LINGO2: variants seen among roughly 807,000 people sequenced by gnomAD.
The protein encoded by LINGO2 is leucine-rich repeat and immunoglobulin-like domain-containing nogo receptor-interacting protein 2.
In LINGO2, 14 loss-of-function variants were observed where a neutral mutation model predicts 30.6. That is an observed-to-expected ratio of 0.46 (90% CI 0.30 to 0.72). The LOEUF (loss-of-function observed/expected upper bound fraction) is 0.72, where lower values mean the gene tolerates loss of function less well. Ranked by LOEUF, LINGO2 falls within the 30% of genes least tolerant of loss-of-function variation. The pLI is 0.07. For synonymous variants in LINGO2, 317 were observed against 288.5 expected (o/e 1.10, Z -1.00); for missense variants, 729 against 751.7 (o/e 0.97, Z 0.35).
the LINGO2 span, among the ~76,000 whole-genome samples, chr9:29,100,897 C>A: frequency 0.44 from 66,049 of 151,704 alleles, 14,624 homozygotes; most frequent in East Asian, 0.54. Context: ...AAAATTAAGA[C>A]AGAAGAAACT....
At chr9:28,450,757 A>C (rs1824617400) in intron 2 of LINGO2, among the ~76,000 whole-genome samples, 1 of 152,066 alleles carries the variant, frequency 6.6e-6, no homozygotes, top group African/African-American at 2.4e-5. Flanking sequence ...TAAAAACATA[A>C]TCTTTACATT....
chr9:28,157,168 C>T (rs1380883756), intron 4 of LINGO2, among the ~76,000 whole-genome samples: 1 of 152,212 alleles, frequency 6.6e-6, no homozygotes, highest in African/African-American at 2.4e-5. Context: ...CCCGCTCCTG[C>T]AGCAAACTTC....
chr9:28,066,728 T>C (rs1013353156), intron 4 of LINGO2, among the ~76,000 whole-genome samples: 19 of 152,054 alleles, frequency 1.2e-4, no homozygotes, highest in African/African-American at 4.6e-4. Flanking sequence ...TTAGAAAGGG[T>C]CTTTAAGAAA....
intron 2 of LINGO2, among the ~76,000 whole-genome samples, chr9:28,387,971 C>T (rs1821662717): frequency 1.3e-5 from 2 of 152,132 alleles, no homozygotes; most frequent in South Asian, 2.1e-4. Context: ...TCAGCAAGAC[C>T]AAGAACCCAC....
intron 3 of LINGO2, among the ~76,000 whole-genome samples, chr9:28,371,709 C>T (rs1487792550): frequency 2.0e-5 from 3 of 152,084 alleles, no homozygotes; most frequent in African/African-American, 7.2e-5. Context: ...ATCTCAGAGG[C>T]CAGATTAGGA....
chr9:29,110,571 A>T, the LINGO2 span, among the ~76,000 whole-genome samples: 809 of 152,084 alleles, frequency 5.3e-3, 9 homozygotes, highest in African/African-American at 0.018. Context: ...TGACCTCGTG[A>T]TCCGCCCGCC....
the LINGO2 span, among the ~76,000 whole-genome samples, chr9:29,179,974 T>A: frequency 6.6e-6 from 1 of 152,154 alleles, no homozygotes; most frequent in Admixed American, 6.5e-5. Context: ...AGCAACTCAG[T>A]TAAATAGCCT....
At chr9:29,143,102 T>G in the LINGO2 span, among the ~76,000 whole-genome samples, 1 of 152,092 alleles carries the variant, frequency 6.6e-6, no homozygotes, top group African/African-American at 2.4e-5. Context: ...TGTAAAGACT[T>G]GTACACTGAA....
At chr9:28,959,215 G>C in the LINGO2 span, among the ~76,000 whole-genome samples, 2 of 151,112 alleles carry the variant, frequency 1.3e-5, no homozygotes, top group Non-Finnish European at 3.0e-5. Flanking sequence ...ACTGAGGGTA[G>C]AGATGAAAGA....
At chr9:28,803,952 T>C in the LINGO2 span, among the ~76,000 whole-genome samples, 1 of 152,110 alleles carries the variant, frequency 6.6e-6, no homozygotes, top group Non-Finnish European at 1.5e-5. Context: ...TAAAGGTAAG[T>C]GTGAATCCAT....
the LINGO2 span, among the ~76,000 whole-genome samples, chr9:28,699,502 T>C: frequency 1.3e-5 from 2 of 152,044 alleles, no homozygotes; most frequent in Non-Finnish European, 2.9e-5. Context: ...TACAAATTGA[T>C]TGTAAAACAA....
At chr9:28,854,204 C>T in the LINGO2 span, among the ~76,000 whole-genome samples, 4 of 151,752 alleles carry the variant, frequency 2.6e-5, no homozygotes, top group African/African-American at 7.3e-5. Flanking sequence ...AATGCCATGG[C>T]GGAGAAACTG....
chr9:28,120,313 T>G (rs1435832666), intron 4 of LINGO2, among the ~76,000 whole-genome samples: 1 of 152,198 alleles, frequency 6.6e-6, no homozygotes, highest in Non-Finnish European at 1.5e-5. Flanking sequence ...GGGACGGTCT[T>G]TCTTTTATTC....
intron 2 of LINGO2, among the ~76,000 whole-genome samples, chr9:28,395,284 G>GA (rs143327989): frequency 6.6e-6 from 1 of 151,716 alleles, no homozygotes; most frequent in Non-Finnish European, 1.5e-5. Flanking sequence ...AACTCAAGTC[G>GA]AAAAAAAATG....
At chr9:29,202,443 T>C in the LINGO2 span, among the ~76,000 whole-genome samples, 1 of 152,000 alleles carries the variant, frequency 6.6e-6, no homozygotes, top group Non-Finnish European at 1.5e-5. Flanking sequence ...TTCCAACATC[T>C]AAAAATTGAG....
the LINGO2 span, among the ~76,000 whole-genome samples, chr9:28,944,568 G>T: frequency 6.6e-6 from 1 of 152,004 alleles, no homozygotes; most frequent in Non-Finnish European, 1.5e-5. Context: ...ACCACGCCTG[G>T]CTAATTTTTG....
At chr9:28,348,197 C>T (rs10738794) in intron 3 of LINGO2, among the ~76,000 whole-genome samples, 6 of 151,986 alleles carry the variant, frequency 3.9e-5, no homozygotes, top group East Asian at 1.9e-4. Flanking sequence ...GCGTGAGCGA[C>T]GCAGAAGACG....
intron 1 of LINGO2, among the ~76,000 whole-genome samples, chr9:28,536,628 G>A (rs767770924): frequency 6.6e-6 from 1 of 152,102 alleles, no homozygotes; most frequent in Non-Finnish European, 1.5e-5. Context: ...AATATTTTCA[G>A]TGTATTCTAA....
At chr9:28,273,814 T>C (rs1261501156) in intron 4 of LINGO2, among the ~76,000 whole-genome samples, 1 of 152,154 alleles carries the variant, frequency 6.6e-6, no homozygotes, top group Non-Finnish European at 1.5e-5. Flanking sequence ...AGAGTAAATC[T>C]GAAGAAAACC....
Sources: gnomAD v4.1 joint callset for allele counts (sites outside exome capture counted in the v4.1 genomes callset) on GRCh38, gnomAD v4.1.1 for gene constraint, MANE v1.5 for transcripts, NCBI Gene and HGNC (gene_info 2026-07-23, HGNC 2026-07-21) for gene names.